TMEM213: variants seen among roughly 807,000 people sequenced by gnomAD.
TMEM213 encodes the protein transmembrane protein 213.
Under a neutral mutation model 11.6 loss-of-function variants are expected in TMEM213, and 7 were observed. That is an observed-to-expected ratio of 0.60 (90% CI 0.34 to 1.13). The LOEUF is 1.13. Among genes scored for constraint, TMEM213 ranks in the 50% most tolerant of loss-of-function variants. TMEM213 has a pLI of 0.03. For synonymous variants in TMEM213, 60 were observed against 58.3 expected (o/e 1.03, Z -0.13); for missense variants, 129 against 139.0 (o/e 0.93, Z 0.36).
chr7:138,806,504 C>A lies in TMEM213; in HGVS notation c.*3435C>A, dbSNP rs1809104084. 1 of 151,944 alleles carries A rather than the reference C, an allele frequency of 6.6e-6. No homozygotes were observed. Among genetic ancestry groups the A allele is most frequent in the African/African-American group, 2.4e-5 (1 of 41,308 alleles). The allele number at this position is 151,944 out of a possible 1,614,324, so 9.4% of individuals were successfully genotyped here. A position where few individuals can be genotyped will look rare whatever the true frequency, so the allele number is the denominator to read the frequency against. On this transcript the variant is annotated 3_prime_UTR_variant, in exon 3 of 3. Coordinates refer to ENST00000442682, the MANE Select transcript of TMEM213 (RefSeq NM_001085429.2). Reference sequence around the variant, plus strand: ...CTCCAGCCTGGGTGACAGAGTGAGACCTTGCCTCAAAAAGAAAAAAATAAA... The same window carrying A: ...CTCCAGCCTGGGTGACAGAGTGAGAACTTGCCTCAAAAAGAAAAAAATAAA...
At chr7:138,802,344 G>C (rs1488545797) in intron 2 of TMEM213, among the ~76,000 whole-genome samples, 1 of 152,180 alleles carries the variant, frequency 6.6e-6, no homozygotes, top group South Asian at 2.1e-4. Flanking sequence ...GAGGCCAGGA[G>C]TTCAAGACCA....
intron 1 of TMEM213, among the ~76,000 whole-genome samples, chr7:138,799,090 G>A (rs1027660190): frequency 2.0e-5 from 3 of 152,200 alleles, no homozygotes; most frequent in African/African-American, 4.8e-5. Flanking sequence ...CTAGCTATGC[G>A]ACCTCGAGCA....
At chr7:138,802,842 G>C in intron 2 of TMEM213, 58 bp from the exon 3 acceptor site, 1 of 1,491,288 alleles carries the variant, frequency 6.7e-7, no homozygotes, top group Non-Finnish European at 8.9e-7. Context: ...TAATGGTAGA[G>C]AAGCCTGGGC....
intron 1 of TMEM213, chr7:138,799,180 T>C (rs1383074059): frequency 2.0e-5 from 3 of 152,240 alleles, no homozygotes; most frequent in Non-Finnish European, 4.4e-5. Context: ...CGAATTGATG[T>C]AATTTCATGT....
In TMEM213 at chr7:138,798,186, G is replaced by A. The variant is rs944198493; in HGVS notation, c.82G>A (p.Glu28Lys). ...FASLHSACSA[E>K]ASSSNSSSLT... Reference sequence around the variant, plus strand: ...CTCCCTCCACTCGGCTTGCTCGGCAGGTAGCGTTATGAGCTTTATTCATGG... The same window carrying A: ...CTCCCTCCACTCGGCTTGCTCGGCAAGTAGCGTTATGAGCTTTATTCATGG... Residue 28 changes from glutamate (E) to lysine (K), a missense_variant and splice_region_variant, in exon 1 of 3, where the codon GAA becomes AAA. Physicochemically the swap from Glu to Lys is moderately conservative, Grantham distance 56. Coordinates refer to ENST00000442682, the MANE Select transcript of TMEM213 (RefSeq NM_001085429.2). 6.3e-7 allele frequency: 1 copy of A among 1,589,208 alleles called. No homozygotes were observed. The highest frequency in any genetic ancestry group is 1.3e-5 in the African/African-American group (1 of 74,462).
At chr7:138,802,199 C>G (rs773602849) in intron 2 of TMEM213, among the ~76,000 whole-genome samples, 1 of 150,468 alleles carries the variant, frequency 6.6e-6, no homozygotes, top group African/African-American at 2.4e-5. Context: ...TTTATTTTGT[C>G]TGGTTCCCTT....
intron 2 of TMEM213, among the ~76,000 whole-genome samples, chr7:138,802,274 G>A (rs1320998247): frequency 6.6e-6 from 1 of 152,170 alleles, no homozygotes; most frequent in Non-Finnish European, 1.5e-5. Context: ...GATAGGCTGG[G>A]CGTGGTGGCT....
chr7:138,800,737 G>A (rs547586063), intron 1 of TMEM213, among the ~76,000 whole-genome samples: 215 of 136,586 alleles, frequency 1.6e-3, no homozygotes, highest in Non-Finnish European at 2.4e-3. Context: ...AGTTTCACTC[G>A]TCACCCAGGC....
intron 2 of TMEM213, 96 bp downstream of exon 2, chr7:138,801,494 T>C: frequency 8.2e-7 from 1 of 1,226,364 alleles, no homozygotes; most frequent in South Asian, 1.3e-5. Flanking sequence ...TGGTGTCAAG[T>C]GGGCAAGGGC....
chr7:138,800,354 G>A (rs967962876), intron 1 of TMEM213, among the ~76,000 whole-genome samples: 2 of 152,104 alleles, frequency 1.3e-5, no homozygotes, highest in East Asian at 3.9e-4. Flanking sequence ...TGTCAGTTAT[G>A]GACAGGAACC....
In TMEM213 at chr7:138,803,477, A is replaced by T. The variant is rs1004634406; in HGVS notation, c.*408A>T. 3 of 195,218 alleles carry T rather than the reference A, an allele frequency of 1.5e-5. No individual in the cohort carries two copies. The highest frequency in any genetic ancestry group is 7.2e-5 in the African/African-American group (3 of 41,760). 12.1% of individuals were successfully genotyped at this position (195,218 alleles called of 1,614,324 possible). ...GGCTTGAGTCCTGGGCTTAACTGTC[A>T]TTTCAGAATCTGAGAATCAGTCAGG... On this transcript the variant is annotated 3_prime_UTR_variant, in exon 3 of 3. Coordinates refer to ENST00000442682, the MANE Select transcript of TMEM213 (RefSeq NM_001085429.2).
Position 138,798,130 on chromosome 7 carries a change from G to C in TMEM213, c.26G>C (p.Arg9Pro). ...ATGCAGCGCCTCCCCGCTGCCACCC[G>C]GGCCACCCTGATCCTCAGCCTGGCC... Reference protein sequence around the residue: MQRLPAATRATLILSLAFA... With the variant: MQRLPAATPATLILSLAFA... Residue 9 changes from arginine to proline, a missense_variant, in exon 1 of 3, where the codon CGG (arginine) becomes CCG (proline). Arg to Pro is a moderately radical substitution (Grantham distance 103, BLOSUM62 -2). Coordinates refer to ENST00000442682, the MANE Select transcript of TMEM213 (RefSeq NM_001085429.2). The C allele has an allele frequency of 6.2e-7, 1 of 1,601,504 alleles. No homozygotes were observed. Among genetic ancestry groups the C allele is most frequent in the Non-Finnish European group, 8.5e-7 (1 of 1,174,712 alleles).
At chr7:138,802,773 AT>A in intron 2 of TMEM213, 126 bp from the exon 3 acceptor site, 1 of 972,370 alleles carries the variant, frequency 1.0e-6, no homozygotes, top group African/African-American at 1.7e-5. Context: ...AGCACAGTGC[AT>A]GGCACGTAGT....
intron 2 of TMEM213, 86 bp from the exon 3 acceptor site, chr7:138,802,814 T>G: frequency 7.3e-7 from 1 of 1,377,660 alleles, no homozygotes; most frequent in Non-Finnish European, 9.7e-7. Context: ...TACCGTGCTG[T>G]GATTGTTCTG....
At position 138,798,262 on chromosome 7, in the gene TMEM213, A is replaced by G. The variant is rs551059283; in HGVS notation, c.82+76A>G. 9.2e-5 allele frequency: 118 copies of G among 1,281,046 alleles called. No individual in the cohort carries two copies. In the African/African-American group the frequency reaches 1.3e-3, roughly 15 times the overall value. The allele number at this position is 1,281,046 out of a possible 1,614,324, so 79.4% of individuals were successfully genotyped here. On this transcript the variant is annotated intron_variant, in intron 1 of 2. Coordinates refer to ENST00000442682, the MANE Select transcript of TMEM213 (RefSeq NM_001085429.2). Reference sequence around the variant, plus strand: ...AGGGAAGAGAGGTGGGAGGGAAAGAAGGAGGAGGGGGAAGATTCTTTGGCC... The same window carrying G: ...AGGGAAGAGAGGTGGGAGGGAAAGAGGGAGGAGGGGGAAGATTCTTTGGCC...
rs1808999824 is a variant in TMEM213 at position 138,803,067 on chromosome 7, T to G, written c.322T>G (p.Ter108GlyextTer30). ...AGATGAGCCCAAGGACTTGCAAGCGTGAGACCCAGGCTCGGTGCACAAAAT... is the reference window on the plus strand; with the variant it reads ...AGATGAGCCCAAGGACTTGCAAGCGGGAGACCCAGGCTCGGTGCACAAAAT... Reference protein sequence around the residue: ...TPDEPKDLQA* With the variant: ...TPDEPKDLQAG The change falls in exon 3 of 3, where the codon TGA becomes GGA. Residue 108 changes from the stop codon to glycine (G), a stop_lost. Transcript: ENST00000442682. The G allele has an allele frequency of 6.2e-7, 1 of 1,612,756 alleles. No individual in the cohort carries two copies. Among genetic ancestry groups the G allele is most frequent in the Non-Finnish European group, 8.5e-7 (1 of 1,179,650 alleles).
chr7:138,805,398 A>G lies in TMEM213; in HGVS notation c.*2329A>G. 1 of 148,812 alleles carries G rather than the reference A, an allele frequency of 6.7e-6. No homozygotes were observed. Among genetic ancestry groups the G allele is most frequent in the African/African-American group, 2.5e-5 (1 of 39,380 alleles). 9.2% of individuals were successfully genotyped at this position (148,812 alleles called of 1,614,324 possible). A position where few individuals can be genotyped will look rare whatever the true frequency, so the allele number is the denominator to read the frequency against. ...CAACAAAGTGAGACCCTGTCTGGAA[A>G]AAAAAAAAAAAAAAGCGTCTGCATA... On this transcript the variant is annotated 3_prime_UTR_variant, in exon 3 of 3. Transcript: ENST00000442682.
rs1809039357 is a variant in TMEM213 at position 138,804,283 on chromosome 7, A to G, written c.*1214A>G. ...AGCCCAGCATTCAGCTCTTTGGAGG[A>G]GTCCATCTGTCCCCCAGCACATCCA... On this transcript the variant is annotated 3_prime_UTR_variant, in exon 3 of 3. Transcript: ENST00000442682. 6.6e-6 allele frequency: 1 copy of G among 152,384 alleles called. No homozygotes were observed. The highest frequency in any genetic ancestry group is 1.5e-5 in the Non-Finnish European group (1 of 68,202). The allele number at this position is 152,384 out of a possible 1,614,324, so 9.4% of individuals were successfully genotyped here.
At chr7:138,798,791 T>C (rs1808821969) in intron 1 of TMEM213, among the ~76,000 whole-genome samples, 1 of 152,190 alleles carries the variant, frequency 6.6e-6, no homozygotes, top group African/African-American at 2.4e-5. Flanking sequence ...CTACATCCCC[T>C]GCCTTGCCCT....
Sources: gnomAD v4.1 joint callset for allele counts (sites outside exome capture counted in the v4.1 genomes callset) on GRCh38, gnomAD v4.1.1 for gene constraint, MANE v1.5 for transcripts, NCBI Gene and HGNC (gene_info 2026-07-23, HGNC 2026-07-21) for gene names.